The following ADAM22 variants were observed in gnomAD, a reference collection of about 807,000 sequenced individuals.
ADAM22 encodes disintegrin and metalloproteinase domain-containing protein 22.
ADAM22 carries 65 observed loss-of-function variants against 144.6 expected under a neutral mutation model. That is an observed-to-expected ratio of 0.45 (90% CI 0.37 to 0.55). The LOEUF (loss-of-function observed/expected upper bound fraction) is 0.55, where lower values mean the gene tolerates loss of function less well. Ranked by LOEUF, ADAM22 falls within the 20% of genes least tolerant of loss-of-function variation. The pLI is 0.00. For missense variants in ADAM22, 974 were observed against 1,184.9 expected, an observed-to-expected ratio of 0.82 and a Z score of 2.61; for synonymous variants, 391 against 412.6, an observed-to-expected ratio of 0.95 and a Z score of 0.63.
intron 4 of ADAM22, among the ~76,000 whole-genome samples, chr7:88,090,369 A>T (rs890645881): frequency 6.6e-6 from 1 of 152,170 alleles, no homozygotes; most frequent in African/African-American, 2.4e-5. Context: ...AGCTATGAAC[A>T]TGGTGTCTTT....
chr7:88,081,422 A>T (rs1027005432), intron 4 of ADAM22, among the ~76,000 whole-genome samples: 10 of 152,362 alleles, frequency 6.6e-5, no homozygotes, highest in Admixed American at 1.3e-4. Context: ...TCCCTTTGAA[A>T]ACCGGCACAA....
chr7:88,172,229 A>C lies in ADAM22; in HGVS notation c.2300+668A>C, dbSNP rs528069074. On this transcript the variant is annotated intron_variant, in intron 26 of 31. Coordinates refer to ENST00000413139, the MANE Select transcript of ADAM22 (RefSeq NM_001324418.2). Reference sequence around the variant, plus strand: ...TAACCAACAGCTTAAAAGAGATACAAAATGTTCATGTTGTTCTATAACAAT... The same window carrying C: ...TAACCAACAGCTTAAAAGAGATACACAATGTTCATGTTGTTCTATAACAAT... Among the ~76,000 whole-genome samples, 47 of 152,082 alleles carry C rather than the reference A, an allele frequency of 3.1e-4. 1 individual carries two copies. Among genetic ancestry groups the C allele is most frequent in the African/African-American group, 1.1e-3 (47 of 41,562 alleles).
intron 29 of ADAM22, chr7:88,186,144 T>C (rs765891093): frequency 5.3e-5 from 10 of 187,388 alleles, no homozygotes; most frequent in Non-Finnish European, 9.7e-5. Context: ...CCTTCTTATA[T>C]TGGAAAGAGA....
chr7:88,022,658 C>T (rs10239039), intron 3 of ADAM22, among the ~76,000 whole-genome samples: 4,507 of 152,112 alleles, frequency 0.03, 215 homozygotes, highest in African/African-American at 0.1. Context: ...AAGTAGAGTT[C>T]GTGAATTAAA....
At chr7:88,088,325 T>G (rs1012307387) in intron 4 of ADAM22, among the ~76,000 whole-genome samples, 9 of 152,142 alleles carry the variant, frequency 5.9e-5, no homozygotes, top group Admixed American at 3.3e-4. Context: ...AGCCCCATGA[T>G]AGATTTCTAA....
chr7:88,013,869 G>A (rs941761007), intron 3 of ADAM22, among the ~76,000 whole-genome samples: 5 of 152,258 alleles, frequency 3.3e-5, no homozygotes, highest in South Asian at 4.1e-4. Context: ...GATTTGTCTC[G>A]ATTCTTTACC....
chr7:88,106,772 G>A (rs1490878434), intron 4 of ADAM22, among the ~76,000 whole-genome samples: 1 of 152,100 alleles, frequency 6.6e-6, no homozygotes, highest in African/African-American at 2.4e-5. Flanking sequence ...TGGGGGTGGG[G>A]CCTGAGATTC....
At chr7:88,164,470 T>C (rs980650890) in intron 23 of ADAM22, among the ~76,000 whole-genome samples, 15 of 152,154 alleles carry the variant, frequency 9.9e-5, no homozygotes, top group South Asian at 4.1e-4. Context: ...TATATTTGTG[T>C]CAAAAAATTA....
At chr7:88,164,850 T>G (rs1278336990) in intron 23 of ADAM22, among the ~76,000 whole-genome samples, 1 of 152,144 alleles carries the variant, frequency 6.6e-6, no homozygotes, top group Non-Finnish European at 1.5e-5. Context: ...ATATAGCAAC[T>G]GATGCTTGAA....
chr7:88,010,076 G>A (rs1462476526), intron 3 of ADAM22, among the ~76,000 whole-genome samples: 1 of 151,268 alleles, frequency 6.6e-6, no homozygotes, highest in Non-Finnish European at 1.5e-5. Flanking sequence ...ATATTGCTAG[G>A]GTCTCTCTAT....
At chr7:88,176,908 G>A (rs1253496441) in intron 26 of ADAM22, among the ~76,000 whole-genome samples, 1 of 152,102 alleles carries the variant, frequency 6.6e-6, no homozygotes, top group Non-Finnish European at 1.5e-5. Context: ...GGGATTACAG[G>A]TGTGTGCCAC....
Position 88,168,152 on chromosome 7 carries a change from A to T in ADAM22, c.2207A>T (p.Asn736Ile). Residue 736 changes from asparagine (N) to isoleucine (I), a missense_variant, in exon 25 of 32, where the codon AAT becomes ATT. Physicochemically the swap from Asn to Ile is moderately radical, Grantham distance 149 (BLOSUM62 -3). Coordinates refer to ENST00000413139, the MANE Select transcript of ADAM22 (RefSeq NM_001324418.2). The stretch of plus-strand genomic sequence containing the variant: ...TTCCTCTCAGGTGTTGCTGGCACCA[A>T]TATCATAATAGGCATAATTGCTGGC... The part of the protein sequence containing the change: ...TLSGNGVAGT[N>I]IIIGIIAGTI... 6.2e-7 allele frequency: 1 copy of T among 1,613,186 alleles called. No homozygotes were observed. The highest frequency in any genetic ancestry group is 8.5e-7 in the Non-Finnish European group (1 of 1,179,518).
At chr7:87,985,564 G>A (rs1316698387) in intron 3 of ADAM22, among the ~76,000 whole-genome samples, 1 of 152,068 alleles carries the variant, frequency 6.6e-6, no homozygotes, top group Non-Finnish European at 1.5e-5. Flanking sequence ...TTCTTATAAA[G>A]GGAATCATAC....
intron 3 of ADAM22, among the ~76,000 whole-genome samples, chr7:88,060,165 G>A (rs976273652): frequency 7.2e-5 from 11 of 152,092 alleles, no homozygotes; most frequent in Non-Finnish European, 1.3e-4. Flanking sequence ...TTTGCCACTC[G>A]GGGGTCTTGC....
In ADAM22 at chr7:88,114,487, A is replaced by G. The variant is rs1827239631; in HGVS notation, c.474-97A>G. 2.7e-6 allele frequency: 3 copies of G among 1,106,748 alleles called. 1 individual carries two copies. The highest frequency in any genetic ancestry group is 3.5e-5 in the Admixed American group (2 of 56,884). The allele number at this position is 1,106,748 out of a possible 1,614,324, so 68.6% of individuals were successfully genotyped here. Reference sequence around the variant, plus strand: ...ATGGGACTGGGAAATGGGCATTGAGAAGCAAATGGGCCCTCTGGCTGCTGC... The same window carrying G: ...ATGGGACTGGGAAATGGGCATTGAGGAGCAAATGGGCCCTCTGGCTGCTGC... On this transcript the variant is annotated intron_variant, in intron 5 of 31. Transcript: ENST00000413139.
At chr7:88,165,041 T>C (rs1842632287) in intron 23 of ADAM22, among the ~76,000 whole-genome samples, 1 of 152,048 alleles carries the variant, frequency 6.6e-6, no homozygotes, top group Non-Finnish European at 1.5e-5. Flanking sequence ...TTCCTGAAAA[T>C]TAGATCAGAC....
chr7:87,953,069 T>G (rs568904058), intron 2 of ADAM22, among the ~76,000 whole-genome samples: 4 of 152,310 alleles, frequency 2.6e-5, no homozygotes, highest in African/African-American at 9.6e-5. Flanking sequence ...ATCAATTTTG[T>G]TGATCCTTTC....
Position 88,096,013 on chromosome 7 carries a change from C to T in ADAM22, c.391-12163C>T, listed in dbSNP as rs1429095399. Among the ~76,000 whole-genome samples the T allele has an allele frequency of 3.4e-5, 5 of 145,876 alleles. No individual in the cohort carries two copies. In the East Asian group the frequency reaches 6.2e-4, roughly 18 times the overall value. On this transcript the variant is annotated intron_variant, in intron 4 of 31. Transcript: ENST00000413139. ...GTGCGATCATAGCTCACTGTAAACTCGAACTCCTAGCAGTACTTCTCCCTC... is the reference window on the plus strand; with the variant it reads ...GTGCGATCATAGCTCACTGTAAACTTGAACTCCTAGCAGTACTTCTCCCTC...
intron 4 of ADAM22, 32 bp downstream of exon 4, chr7:88,075,724 T>G (rs1200845948): frequency 6.6e-7 from 1 of 1,514,526 alleles, no homozygotes. Context: ...GTGGGGAAAT[T>G]TGTTGAGAAT....
Sources: gnomAD v4.1 joint callset for allele counts (sites outside exome capture counted in the v4.1 genomes callset) on GRCh38, gnomAD v4.1.1 for gene constraint, MANE v1.5 for transcripts, NCBI Gene and HGNC (gene_info 2026-07-23, HGNC 2026-07-21) for gene names.